Variants in CNP observed in about 807,000 individuals in gnomAD.
CNP encodes 2',3'-cyclic-nucleotide 3'-phosphodiesterase.
In CNP, 8 loss-of-function variants were observed where a neutral mutation model predicts 37.9. The ratio of observed to expected loss-of-function variants is 0.21; its 90% CI spans 0.12 to 0.38. The LOEUF (loss-of-function observed/expected upper bound fraction) is 0.38. Among genes scored for constraint, CNP ranks in the 10% least tolerant of loss-of-function variants. The pLI is 1.00. For synonymous variants in CNP, 237 were observed against 238.3 expected, an observed-to-expected ratio of 0.99 and a Z score of 0.05; for missense variants, 457 against 551.0, an observed-to-expected ratio of 0.83 and a Z score of 1.71.
chr17:41,970,760 C>T (rs1344270984), intron 2 of CNP: 1 of 152,216 alleles, frequency 6.6e-6, no homozygotes, highest in East Asian at 1.9e-4. Flanking sequence ...CAAGGCTGCT[C>T]TCAGGAGAGG....
At position 41,973,927 on chromosome 17, in the gene CNP, GTTCTCACCAC is replaced by G; in HGVS notation, c.*4_*13del. 1 of 1,509,936 alleles carries G rather than the reference GTTCTCACCAC, an allele frequency of 6.6e-7. No homozygotes were observed. The highest frequency in any genetic ancestry group is 8.8e-7 in the Non-Finnish European group (1 of 1,130,424). The allele number at this position is 1,509,936 out of a possible 1,614,324, so 93.5% of individuals were successfully genotyped here. A position where few individuals can be genotyped will look rare whatever the true frequency, so the allele number is the denominator to read the frequency against. ...TGCAGTCCTGCACCATCATATGAGT[GTTCTCACCAC>G]CACTTATGCCCCTAGAAGGGAAGGG... On this transcript the variant is annotated 3_prime_UTR_variant, in exon 4 of 4. Coordinates refer to ENST00000393892, the MANE Select transcript of CNP (RefSeq NM_033133.5).
rs2051050093 is a variant in CNP at position 41,974,823 on chromosome 17, C to G, written c.*899C>G. 6.6e-6 allele frequency: 1 copy of G among 152,338 alleles called. No individual in the cohort carries two copies. Among genetic ancestry groups the G allele is most frequent in the Non-Finnish European group, 1.5e-5 (1 of 68,198 alleles). The allele number at this position is 152,338 out of a possible 1,614,324, so 9.4% of individuals were successfully genotyped here. A position where few individuals can be genotyped will look rare whatever the true frequency, so the allele number is the denominator to read the frequency against. On this transcript the variant is annotated 3_prime_UTR_variant, in exon 4 of 4. Coordinates refer to ENST00000393892, the MANE Select transcript of CNP (RefSeq NM_033133.5). ...GGGAGATCGGGGCCAGAGGCAGAAC[C>G]CTGGTGAGGAAGCTCCAGTCCTGCT...
chr17:41,970,362 T>C (rs1390794389), intron 2 of CNP: 2 of 150,310 alleles, frequency 1.3e-5, no homozygotes, highest in Non-Finnish European at 2.9e-5. Context: ...TGGCCCAAGA[T>C]GGGACGAATC....
chr17:41,968,418 T>G lies in CNP; in HGVS notation c.354T>G (p.Ile118Met). 1 of 1,614,092 alleles carries G rather than the reference T, an allele frequency of 6.2e-7. No homozygotes were observed. Among genetic ancestry groups the G allele is most frequent in the Non-Finnish European group, 8.5e-7 (1 of 1,180,026 alleles). Reference sequence around the variant, plus strand: ...ACTGCCGCCGCCGGGACATCAGAATTCTTGTGCTTGATGACACCAACCACG... The same window carrying G: ...ACTGCCGCCGCCGGGACATCAGAATGCTTGTGCTTGATGACACCAACCACG... ...AAYCRRRDIR[I>M]LVLDDTNHER... The change falls in exon 2 of 4, where the codon ATT becomes ATG. Residue 118 changes from isoleucine (I) to methionine (M), a missense_variant. Coordinates refer to ENST00000393892, the MANE Select transcript of CNP (RefSeq NM_033133.5). The surrounding 1 kb of genome is among the most constrained non-coding windows in gnomAD (Gnocchi z 4.8).
chr17:41,974,004 AT>A lies in CNP; in HGVS notation c.*100del, dbSNP rs34645700. ...CTCTGTTTGATCCTTGTTTTGTGACATTTTTTTTTTTTTTTTTTTTACTCAA... is the reference window on the plus strand; with the variant it reads ...CTCTGTTTGATCCTTGTTTTGTGACATTTTTTTTTTTTTTTTTTTACTCAA... On this transcript the variant is annotated 3_prime_UTR_variant, in exon 4 of 4. Transcript: ENST00000393892. 0.23 allele frequency: 188,579 copies of A among 834,712 alleles called. 521 individuals are homozygous for A. Among genetic ancestry groups the A allele is most frequent in the East Asian group, 0.26 (7,545 of 29,076 alleles). 51.7% of individuals were successfully genotyped at this position (834,712 alleles called of 1,614,324 possible). A position where few individuals can be genotyped will look rare whatever the true frequency, so the allele number is the denominator to read the frequency against.
In CNP at chr17:41,968,593, C is replaced by T. The variant is rs2050937946; in HGVS notation, c.529C>T (p.Leu177=). 1 of 1,614,120 alleles carries T rather than the reference C, an allele frequency of 6.2e-7. No homozygotes were observed. The highest frequency in any genetic ancestry group is 1.3e-5 in the African/African-American group (1 of 75,050). The part of the protein sequence containing the change: ...WQLSADDLKK[L]KPGLEKDFLP... ...GCTGTCGGCTGATGACCTGAAGAAGCTGAAGCCTGGGCTGGAGAAGGACTT... is the reference window on the plus strand; with the variant it reads ...GCTGTCGGCTGATGACCTGAAGAAGTTGAAGCCTGGGCTGGAGAAGGACTT... The change falls in exon 2 of 4, where the codon CTG becomes TTG. Residue 177 remains leucine (L), a synonymous_variant. Transcript: ENST00000393892. The surrounding 1 kb of genome is among the most constrained non-coding windows in gnomAD (Gnocchi z 4.8).
chr17:41,969,745 G>A (rs183724874), intron 2 of CNP, among the ~76,000 whole-genome samples: 221 of 152,194 alleles, frequency 1.5e-3, no homozygotes, highest in African/African-American at 5.1e-3. Flanking sequence ...TAGTAGAGAC[G>A]GAGTTTCACA....
chr17:41,976,830 C>A lies in CNP; in HGVS notation c.*2906C>A, dbSNP rs1266924618. ...GGATTTTCTAAGGAAGATCACTTTG[C>A]TCTGATTATGGAAAAGTCTTCAAGG... On this transcript the variant is annotated 3_prime_UTR_variant, in exon 4 of 4. Coordinates refer to ENST00000393892, the MANE Select transcript of CNP (RefSeq NM_033133.5). 9 of 1,587,686 alleles carry A rather than the reference C, an allele frequency of 5.7e-6. No individual in the cohort carries two copies. Among genetic ancestry groups the A allele is most frequent in the Non-Finnish European group, 6.8e-6 (8 of 1,170,726 alleles).
At chr17:41,967,673 C>G in intron 1 of CNP, 3 of 1,035,506 alleles carry the variant, frequency 2.9e-6, no homozygotes, top group Non-Finnish European at 3.5e-6. Context: ...CTCCACTCCC[C>G]CCCTTCTCTG....
rs998291648 is a variant in CNP at position 41,973,764 on chromosome 17, G to A, written c.1106G>A (p.Arg369Gln). 13 of 1,612,340 alleles carry A rather than the reference G, an allele frequency of 8.1e-6. No homozygotes were observed. Among genetic ancestry groups the A allele is most frequent in the East Asian group, 2.2e-5 (1 of 44,838 alleles). Residue 369 changes from arginine (R) to glutamine (Q), a missense_variant, in exon 4 of 4, where the codon CGG (arginine) becomes CAG (glutamine). Coordinates refer to ENST00000393892, the MANE Select transcript of CNP (RefSeq NM_033133.5). ...SRGEEVGELS[R>Q]GKLYSLGNGR... Reference sequence around the variant, plus strand: ...GGCGAGGAGGTGGGCGAGCTAAGCCGGGGCAAGCTCTATTCCTTGGGCAAT... The same window carrying A: ...GGCGAGGAGGTGGGCGAGCTAAGCCAGGGCAAGCTCTATTCCTTGGGCAAT...
Position 41,976,610 on chromosome 17 carries a change from CTG to C in CNP, c.*2687_*2688del. The C allele has an allele frequency of 7.7e-7, 1 of 1,298,118 alleles. No individual in the cohort carries two copies. Among genetic ancestry groups the C allele is most frequent in the South Asian group, 1.4e-5 (1 of 72,068 alleles). The allele number at this position is 1,298,118 out of a possible 1,614,324, so 80.4% of individuals were successfully genotyped here. A position where few individuals can be genotyped will look rare whatever the true frequency, so the allele number is the denominator to read the frequency against. ...ACTCACAGAGACACAGGGCATCCAACTGAGAAAACGAAACTGCTCTAAGCACA... is the reference window on the plus strand; with the variant it reads ...ACTCACAGAGACACAGGGCATCCAACAGAAAACGAAACTGCTCTAAGCACA... On this transcript the variant is annotated 3_prime_UTR_variant, in exon 4 of 4. Coordinates refer to ENST00000393892, the MANE Select transcript of CNP (RefSeq NM_033133.5).
chr17:41,973,781 T>C lies in CNP; in HGVS notation c.1123T>C (p.Leu375=). ...GELSRGKLYS[L]GNGRWMLTLA... ...GCTAAGCCGGGGCAAGCTCTATTCC[T>C]TGGGCAATGGGCGCTGGATGCTGAC... Residue 375 remains leucine (L), a synonymous_variant, in exon 4 of 4, where the codon TTG becomes CTG. Transcript: ENST00000393892. The C allele has an allele frequency of 6.2e-7, 1 of 1,612,840 alleles. No homozygotes were observed. The highest frequency in any genetic ancestry group is 8.5e-7 in the Non-Finnish European group (1 of 1,179,466).
Position 41,968,325 on chromosome 17 carries a change from G to T in CNP, c.261G>T (p.Lys87Asn). 1 of 1,614,122 alleles carries T rather than the reference G, an allele frequency of 6.2e-7. No individual in the cohort carries two copies. Among genetic ancestry groups the T allele is most frequent in the Non-Finnish European group, 8.5e-7 (1 of 1,180,014 alleles). ...GTKMVSADAY[K>N]ITPGARGAFS... Reference sequence around the variant, plus strand: ...AGATGGTGTCGGCTGACGCTTACAAGATCACCCCCGGCGCTCGAGGAGCCT... The same window carrying T: ...AGATGGTGTCGGCTGACGCTTACAATATCACCCCCGGCGCTCGAGGAGCCT... The change falls in exon 2 of 4, where the codon AAG becomes AAT. Residue 87 changes from lysine (K) to asparagine (N), a missense_variant. By Grantham distance (94) the Lys-to-Asn change is moderately conservative. Around this residue, in one of 2 missense-constraint regions of CNP, gnomAD observed 166 missense variants for 259.3 expected, o/e 0.64. Transcript: ENST00000393892. This position sits in a 1 kb window ranked among gnomAD's most constrained non-coding sequence, Gnocchi z 4.8.
chr17:41,967,568 C>T, intron 1 of CNP: 1 of 775,712 alleles, frequency 1.3e-6, no homozygotes, highest in Non-Finnish European at 1.6e-6. Context: ...CCCACCAGCC[C>T]TTCTGTGGGA....
Position 41,968,204 on chromosome 17 carries a change from T to C in CNP, c.140T>C (p.Leu47Pro). Residue 47 changes from leucine (L) to proline (P), a missense_variant, in exon 2 of 4, where the codon CTA (leucine) becomes CCA (proline). Transcript: ENST00000393892. This position sits in a 1 kb window ranked among gnomAD's most constrained non-coding sequence, Gnocchi z 4.8. ...LQDEDTVATLLECKTLFILRG... is the reference protein window; with the variant it reads ...LQDEDTVATLPECKTLFILRG... ...GATGAGGACACAGTGGCCACGCTGC[T>C]AGAGTGCAAGACGCTCTTCATCTTG... 3 of 1,614,256 alleles carry C rather than the reference T, an allele frequency of 1.9e-6. No homozygotes were observed. Among genetic ancestry groups the C allele is most frequent in the Admixed American group, 1.7e-5 (1 of 60,034 alleles).
chr17:41,970,779 C>T (rs1398062978), intron 2 of CNP: 1 of 152,182 alleles, frequency 6.6e-6, no homozygotes, highest in East Asian at 1.9e-4. Flanking sequence ...GGCCTTCCTC[C>T]CCTGTGGAGG....
At position 41,973,945 on chromosome 17, in the gene CNP, GC is replaced by G; in HGVS notation, c.*25del. 6.9e-7 allele frequency: 1 copy of G among 1,451,670 alleles called. No individual in the cohort carries two copies. The highest frequency in any genetic ancestry group is 9.1e-7 in the Non-Finnish European group (1 of 1,102,464). The allele number at this position is 1,451,670 out of a possible 1,614,324, so 89.9% of individuals were successfully genotyped here. ...TATGAGTGTTCTCACCACCACTTAT[GC>G]CCCTAGAAGGGAAGGGGAGAGGGAA... On this transcript the variant is annotated 3_prime_UTR_variant, in exon 4 of 4. Coordinates refer to ENST00000393892, the MANE Select transcript of CNP (RefSeq NM_033133.5).
At position 41,975,079 on chromosome 17, in the gene CNP, C is replaced by G. The variant is rs951177954; in HGVS notation, c.*1155C>G. On this transcript the variant is annotated 3_prime_UTR_variant, in exon 4 of 4. Coordinates refer to ENST00000393892, the MANE Select transcript of CNP (RefSeq NM_033133.5). The stretch of plus-strand genomic sequence containing the variant: ...CAGGGCCTTGCTAATCGGGTTGTCA[C>G]TCAACAAAAGTGCTTTGGATTTAAG... The G allele has an allele frequency of 3.3e-5, 5 of 152,392 alleles. No homozygotes were observed. The East Asian group carries it at 7.7e-4, about 23-fold the overall frequency. The allele number at this position is 152,392 out of a possible 1,614,324, so 9.4% of individuals were successfully genotyped here. A position where few individuals can be genotyped will look rare whatever the true frequency, so the allele number is the denominator to read the frequency against.
intron 3 of CNP, 140 bp downstream of exon 3, chr17:41,972,171 C>T (rs1420495109): frequency 9.7e-7 from 1 of 1,031,716 alleles, no homozygotes; most frequent in Non-Finnish European, 1.4e-6. Flanking sequence ...TCTCCTCCTC[C>T]TAGCTCCCCT....
Sources: allele counts gnomAD v4.1 joint callset (sites outside exome capture counted in the v4.1 genomes callset), GRCh38; gene constraint gnomAD v4.1.1; regional missense constraint gnomAD v4.1.1; non-coding constraint Gnocchi (gnomAD v3.1); transcripts MANE v1.5; gene names NCBI Gene and HGNC (gene_info 2026-07-23, HGNC 2026-07-21).